The following CEP152 variants were observed in gnomAD, a reference collection of about 807,000 sequenced individuals.
CEP152 encodes centrosomal protein 152, also known as centrosomal protein of 152 kDa.
Under a neutral mutation model 188.9 loss-of-function variants are expected in CEP152, and 132 were observed. That is an observed-to-expected ratio of 0.70 (90% CI 0.61 to 0.81). The LOEUF (loss-of-function observed/expected upper bound fraction) is 0.81. CEP152 is among the 30% of genes least tolerant of loss of function. CEP152 has a pLI of 0.00. For synonymous variants in CEP152, 649 were observed against 666.6 expected (o/e 0.97, Z 0.41); for missense variants, 1,914 against 1,969.8 (o/e 0.97, Z 0.54).
chr15:48,791,362 A>T lies in CEP152; in HGVS notation c.847T>A (p.Leu283Met), dbSNP rs1284869801. The T allele has an allele frequency of 6.2e-7, 1 of 1,612,134 alleles. No individual in the cohort carries two copies. The highest frequency in any genetic ancestry group is 1.1e-5 in the South Asian group (1 of 91,050). Residue 283 changes from leucine to methionine, a missense_variant, in exon 8 of 27, where the codon TTG (leucine) becomes ATG (methionine). Leu to Met is a conservative substitution (Grantham distance 15). Transcript: ENST00000380950. Reference sequence around the variant, plus strand: ...TGTGATTCTCGAAGGCTGAGAGTCAAACCATCCTTTTCATCTACGGTATTA... The same window carrying T: ...TGTGATTCTCGAAGGCTGAGAGTCATACCATCCTTTTCATCTACGGTATTA... ...LVIIKDEKDG[L>M]TLSLRESQKL...
intron 2 of CEP152, among the ~76,000 whole-genome samples, chr15:48,802,114 C>A (rs1270759042): frequency 6.6e-6 from 1 of 151,644 alleles, no homozygotes; most frequent in African/African-American, 2.4e-5. Flanking sequence ...AGAACTATAT[C>A]TCTGTAATAT....
intron 25 of CEP152, 113 bp from the exon 26 acceptor site, chr15:48,741,817 C>T: frequency 1.9e-6 from 3 of 1,609,580 alleles, no homozygotes; most frequent in South Asian, 2.2e-5. Context: ...GTAGCACAGC[C>T]ATAAACCTCT....
Position 48,797,496 on chromosome 15 carries a change from T to C in CEP152, c.345A>G (p.Arg115=), listed in dbSNP as rs1420202351. 1 of 1,614,016 alleles carries C rather than the reference T, an allele frequency of 6.2e-7. No homozygotes were observed. The highest frequency in any genetic ancestry group is 1.3e-5 in the African/African-American group (1 of 74,934). Residue 115 remains arginine, a synonymous_variant, in exon 5 of 27, where the codon CGA becomes CGG. Transcript: ENST00000380950. ...CTTCTTCAGGATGGTACACAGGATG[T>C]CGGTCTTCAGTTTTACTTCTATTTT... ...WEENRSKTED[R]HPVYHPEEGG...
At chr15:48,775,321 A>T (rs1271533531) in intron 12 of CEP152, among the ~76,000 whole-genome samples, 1 of 152,022 alleles carries the variant, frequency 6.6e-6, no homozygotes, top group African/African-American at 2.4e-5. Flanking sequence ...CCAAAATGAG[A>T]TAAACTAAAG....
intron 19 of CEP152, among the ~76,000 whole-genome samples, chr15:48,759,059 A>G (rs1894484237): frequency 6.6e-6 from 1 of 152,154 alleles, no homozygotes; most frequent in South Asian, 2.1e-4. Context: ...ATTTCCTTTT[A>G]AAATATTTCA....
At chr15:48,729,953 A>G (rs1011032031) in intron 2 of CEP152, 2 of 152,104 alleles carry the variant, frequency 1.3e-5, no homozygotes, top group Non-Finnish European at 2.9e-5. Context: ...AATAAAAATA[A>G]GGAAATTTCT....
rs544597567 is a variant in CEP152 at position 48,801,245 on chromosome 15, C to T, written c.88-3194G>A. 7.3e-4 allele frequency among the ~76,000 whole-genome samples: 111 copies of T among 152,292 alleles called. 1 individual carries two copies. The South Asian group carries it at 0.01, about 14-fold the overall frequency. ...CACGCTAAATGTAAACAAATACTAG[C>T]TTTACAACTCCCTCTAGTGGAAACA... On this transcript the variant is annotated intron_variant, in intron 2 of 26. Transcript: ENST00000380950.
Position 48,748,568 on chromosome 15 carries a change from T to G in CEP152, c.3509A>C (p.His1170Pro), listed in dbSNP as rs922435112. 3.9e-6 allele frequency: 6 copies of G among 1,531,798 alleles called. No homozygotes were observed. Among genetic ancestry groups the G allele is most frequent in the African/African-American group, 1.4e-5 (1 of 72,702 alleles). 94.9% of individuals were successfully genotyped at this position (1,531,798 alleles called of 1,614,324 possible). Residue 1170 changes from histidine to proline, a missense_variant, in exon 22 of 27, where the codon CAC becomes CCC. Transcript: ENST00000380950. ...TGCCTTTTCAAGTTCTTGGAAGCAG[T>G]GTCCACAGCATAAATCCTTAATTTC... Reference protein sequence around the residue: ...VLEIKDLCCGHCFQELEKAKQ... With the variant: ...VLEIKDLCCGPCFQELEKAKQ...
intron 19 of CEP152, 83 bp downstream of exon 19, chr15:48,760,052 T>C (rs1386125446): frequency 1.5e-5 from 24 of 1,558,162 alleles, no homozygotes; most frequent in Non-Finnish European, 2.0e-5. Flanking sequence ...ATTCTATGAG[T>C]AGGTACAAAT....
chr15:48,774,598 T>G (rs1464202624), intron 12 of CEP152, among the ~76,000 whole-genome samples: 3 of 152,188 alleles, frequency 2.0e-5, no homozygotes, highest in Non-Finnish European at 4.4e-5. Context: ...TTTTAAAAAC[T>G]TAACTGAAAT....
At chr15:48,761,132 C>T (rs1028902619) in intron 18 of CEP152, among the ~76,000 whole-genome samples, 2 of 151,992 alleles carry the variant, frequency 1.3e-5, no homozygotes, top group African/African-American at 4.8e-5. Flanking sequence ...TCATAAATAC[C>T]AAAGCAGCAC....
At position 48,756,069 on chromosome 15, in the gene CEP152, TC is replaced by T; in HGVS notation, c.3178del (p.Glu1060SerfsTer31). Reference protein sequence around the residue: ...LGVLLSDTQKEHISDSEDKQL... With the variant: ...LGVLLSDTQKXHISDSEDKQL... ...CTTGTCCTCAGAATCACTGATGTGC[TC>T]CTTTTGGGTATCACTTAAAAGAACC... On this transcript the variant is annotated frameshift_variant, in exon 20 of 27. Coordinates refer to ENST00000380950, the MANE Select transcript of CEP152 (RefSeq NM_001194998.2). LOFTEE classifies it high-confidence loss of function. 2 of 1,614,124 alleles carry T rather than the reference TC, an allele frequency of 1.2e-6. No individual in the cohort carries two copies. The highest frequency in any genetic ancestry group is 1.7e-6 in the Non-Finnish European group (2 of 1,179,988).
In CEP152 at chr15:48,781,411, A is replaced by G. The variant is rs776698847; in HGVS notation, c.1414-52T>C. 5.4e-5 allele frequency: 78 copies of G among 1,452,072 alleles called. 1 individual carries two copies. In the South Asian group the frequency reaches 7.2e-4, roughly 13 times the overall value. 89.9% of individuals were successfully genotyped at this position (1,452,072 alleles called of 1,614,324 possible). On this transcript the variant is annotated intron_variant, in intron 11 of 26. Coordinates refer to ENST00000380950, the MANE Select transcript of CEP152 (RefSeq NM_001194998.2). Reference sequence around the variant, plus strand: ...TTTTCACTATTTTCCTATATGAAGTAATCAGTCATTCTGTTTCAAAATTTG... The same window carrying G: ...TTTTCACTATTTTCCTATATGAAGTGATCAGTCATTCTGTTTCAAAATTTG...
At chr15:48,756,746 AAT>A (rs1181368668) in intron 19 of CEP152, among the ~76,000 whole-genome samples, 193 bp from the exon 20 acceptor site, 5 of 152,158 alleles carry the variant, frequency 3.3e-5, no homozygotes, top group African/African-American at 7.2e-5. Flanking sequence ...TATATACATA[AAT>A]ATGTTTATAT....
chr15:48,802,627 CT>C (rs538677801), intron 2 of CEP152, among the ~76,000 whole-genome samples: 16 of 149,046 alleles, frequency 1.1e-4, no homozygotes, highest in Non-Finnish European at 1.3e-4. Flanking sequence ...AAAATTCTTG[CT>C]TTTTTTTTTC....
intron 22 of CEP152, among the ~76,000 whole-genome samples, chr15:48,745,856 A>T (rs1218733955): frequency 1.3e-5 from 2 of 152,164 alleles, no homozygotes; most frequent in Non-Finnish European, 2.9e-5. Context: ...TTTTCTTCAC[A>T]TGTTAACTTA....
In CEP152 at chr15:48,797,325, T is replaced by G. The variant is rs766654245; in HGVS notation, c.516A>C (p.Ser172=). ...CCTGAAAATGGTTCCATTGAGGATC[T>G]GAAAATTTAATTACATTGGTTGCTT... ...NNQATNVIKF[S]DPQWNHFQGP... is the part of the protein sequence containing the mutation. Residue 172 remains serine (S), a synonymous_variant, in exon 5 of 27, where the codon TCA becomes TCC. Coordinates refer to ENST00000380950, the MANE Select transcript of CEP152 (RefSeq NM_001194998.2). 28 of 1,613,986 alleles carry G rather than the reference T, an allele frequency of 1.7e-5. No homozygotes were observed. The highest frequency in any genetic ancestry group is 2.4e-5 in the Non-Finnish European group (28 of 1,180,004).
At chr15:48,800,481 A>T (rs1176329366) in intron 2 of CEP152, among the ~76,000 whole-genome samples, 3 of 152,184 alleles carry the variant, frequency 2.0e-5, no homozygotes, top group Non-Finnish European at 4.4e-5. Context: ...CCCTTTGGTC[A>T]CTAACCTTGT....
intron 13 of CEP152, among the ~76,000 whole-genome samples, chr15:48,772,063 T>G (rs1895569092): frequency 6.6e-6 from 1 of 152,200 alleles, no homozygotes. Flanking sequence ...TCTTTAAACT[T>G]TATTTCTAAA....
Sources: gnomAD v4.1 joint callset for allele counts (sites outside exome capture counted in the v4.1 genomes callset) on GRCh38, gnomAD v4.1.1 for gene constraint, MANE v1.5 for transcripts, NCBI Gene and HGNC (gene_info 2026-07-23, HGNC 2026-07-21) for gene names.